Variants in LLGL2 observed in about 807,000 individuals in gnomAD.
The protein encoded by LLGL2 is LLGL2, scribble cell polarity complex component.
A neutral mutation model predicts 123.2 loss-of-function variants in LLGL2; 81 were observed. That is an observed-to-expected ratio of 0.66 (90% CI 0.55 to 0.79). The LOEUF is 0.79. Ranked by LOEUF, LLGL2 falls within the 30% of genes least tolerant of loss-of-function variation. LLGL2 has a pLI of 0.00. For synonymous variants in LLGL2, 577 were observed against 594.1 expected (o/e 0.97, Z 0.42); for missense variants, 1,273 against 1,414.6 (o/e 0.90, Z 1.61).
At chr17:75,528,769 T>C (rs1178171881) in intron 1 of LLGL2, among the ~76,000 whole-genome samples, 1 of 146,004 alleles carries the variant, frequency 6.8e-6, no homozygotes, top group East Asian at 2.0e-4. Context: ...AAATGGCCCA[T>C]AATCCCAGGT....
At position 75,544,547 on chromosome 17, in the gene LLGL2, C is replaced by T. The variant is rs1221728825; in HGVS notation, c.75+1046C>T. ...CTTTGCCACATAGAAGCTGGATGGC[C>T]GTGTGCCTGTCGCCCACACCATAGG... On this transcript the variant is annotated intron_variant, in intron 2 of 25. Coordinates refer to ENST00000392550, the MANE Select transcript of LLGL2 (RefSeq NM_001031803.2). The surrounding 1 kb of genome is among the most constrained non-coding windows in gnomAD (Gnocchi z 4.2). Among the ~76,000 whole-genome samples, 2 of 152,240 alleles carry T rather than the reference C, an allele frequency of 1.3e-5. No homozygotes were observed. The highest frequency in any genetic ancestry group is 2.4e-5 in the African/African-American group (1 of 41,462).
chr17:75,543,814 A>C (rs765185968), intron 2 of LLGL2, among the ~76,000 whole-genome samples: 1 of 151,968 alleles, frequency 6.6e-6, no homozygotes, highest in Non-Finnish European at 1.5e-5. Flanking sequence ...TGCCATGTCT[A>C]CCTCGGCACA....
Position 75,559,483 on chromosome 17 carries a change from A to AGGAG in LLGL2, c.530+73_530+74insGGAG, listed in dbSNP as rs2147393753. 2 of 1,508,658 alleles carry AGGAG rather than the reference A, an allele frequency of 1.3e-6. No individual in the cohort carries two copies. The highest frequency in any genetic ancestry group is 2.6e-5 in the South Asian group (2 of 77,908). 93.5% of individuals were successfully genotyped at this position (1,508,658 alleles called of 1,614,324 possible). The stretch of plus-strand genomic sequence containing the variant: ...CATGGCTTCTCCCCTTGGTCCCAGG[A>AGGAG]CTCTGTCAGGAGCTGTCATTTCTCT... On this transcript the variant is annotated intron_variant, in intron 6 of 25. Transcript: ENST00000392550. The surrounding 1 kb of genome is among the most constrained non-coding windows in gnomAD (Gnocchi z 4.6).
chr17:75,563,920 T>A (rs765585185), intron 9 of LLGL2, 114 bp downstream of exon 9: 70 of 1,043,736 alleles, frequency 6.7e-5, no homozygotes, highest in Non-Finnish European at 1.0e-4. Context: ...AGGTCCCGTG[T>A]TGGGGTCTTG....
At chr17:75,572,129 G>T (rs1279662943) in intron 19 of LLGL2, 65 bp downstream of exon 19, 2 of 1,492,322 alleles carry the variant, frequency 1.3e-6, no homozygotes, top group Non-Finnish European at 1.8e-6. Flanking sequence ...CTCGGACCTT[G>T]GGCAAAAATG....
Position 75,558,381 on chromosome 17 carries a change from C to T in LLGL2, c.256-131C>T. On this transcript the variant is annotated intron_variant, in intron 4 of 25. Coordinates refer to ENST00000392550, the MANE Select transcript of LLGL2 (RefSeq NM_001031803.2). This position sits in a 1 kb window ranked among gnomAD's most constrained non-coding sequence, Gnocchi z 4.0. ...AGACCTGGGACCCCCTCCCTTTCCA[C>T]AGCTGGGGCTCATGGGCCACCCTGG... 8.7e-7 allele frequency: 1 copy of T among 1,146,462 alleles called. No individual in the cohort carries two copies. The highest frequency in any genetic ancestry group is 1.2e-6 in the Non-Finnish European group (1 of 812,720). The allele number at this position is 1,146,462 out of a possible 1,614,324, so 71.0% of individuals were successfully genotyped here. A position where few individuals can be genotyped will look rare whatever the true frequency, so the allele number is the denominator to read the frequency against.
intron 10 of LLGL2, chr17:75,567,903 T>C (rs750543311): frequency 4.3e-4 from 115 of 267,884 alleles, no homozygotes; most frequent in Non-Finnish European, 6.3e-4. Flanking sequence ...ATCACACCAC[T>C]GTACTCCAGC....
chr17:75,545,577 C>T (rs1474768879), intron 2 of LLGL2, among the ~76,000 whole-genome samples: 1 of 152,068 alleles, frequency 6.6e-6, no homozygotes, highest in African/African-American at 2.4e-5. Context: ...GATTTGGGAT[C>T]CCGTCTGCCC....
In LLGL2 at chr17:75,544,455, T is replaced by G. The variant is rs2054336790; in HGVS notation, c.75+954T>G. On this transcript the variant is annotated intron_variant, in intron 2 of 25. Coordinates refer to ENST00000392550, the MANE Select transcript of LLGL2 (RefSeq NM_001031803.2). The surrounding 1 kb of genome is among the most constrained non-coding windows in gnomAD (Gnocchi z 4.2). ...TCTCCCTGTGGAGAATGAGGAAGTCTCTTTGGTTGTATTTTTGTTATTGAT... is the reference window on the plus strand; with the variant it reads ...TCTCCCTGTGGAGAATGAGGAAGTCGCTTTGGTTGTATTTTTGTTATTGAT... Among the ~76,000 whole-genome samples, 1 of 152,228 alleles carries G rather than the reference T, an allele frequency of 6.6e-6. No individual in the cohort carries two copies. Among genetic ancestry groups the G allele is most frequent in the Non-Finnish European group, 1.5e-5 (1 of 68,040 alleles).
chr17:75,572,969 G>C (rs2055793709), intron 19 of LLGL2, 45 bp from the exon 20 acceptor site: 2 of 1,562,322 alleles, frequency 1.3e-6, no homozygotes, highest in Non-Finnish European at 1.7e-6. Flanking sequence ...CAGGGCAGGA[G>C]AACTGGTTTG....
At chr17:75,531,264 C>T (rs2053776213) in intron 1 of LLGL2, among the ~76,000 whole-genome samples, 1 of 152,208 alleles carries the variant, frequency 6.6e-6, no homozygotes, top group Non-Finnish European at 1.5e-5. Context: ...GACCAGGTGG[C>T]CCATGAGCCC....
chr17:75,528,850 A>T (rs1382986612), intron 1 of LLGL2, among the ~76,000 whole-genome samples: 2 of 152,150 alleles, frequency 1.3e-5, no homozygotes, highest in South Asian at 4.1e-4. Flanking sequence ...CATTGTAGAA[A>T]GTGTAAAATT....
In LLGL2 at chr17:75,568,699, T is replaced by A; in HGVS notation, c.1254+6T>A. Reference sequence around the variant, plus strand: ...ACGCACACTTCTCCACCATGGTAGGTCTGGCCCTGGCCCCAGCCCCAGCCC... The same window carrying A: ...ACGCACACTTCTCCACCATGGTAGGACTGGCCCTGGCCCCAGCCCCAGCCC... On this transcript the variant is annotated splice_donor_region_variant and intron_variant, in intron 11 of 25. Transcript: ENST00000392550. 1 of 1,613,132 alleles carries A rather than the reference T, an allele frequency of 6.2e-7. No individual in the cohort carries two copies.
intron 6 of LLGL2, among the ~76,000 whole-genome samples, chr17:75,561,157 C>T (rs2147422645): frequency 6.6e-6 from 1 of 152,080 alleles, no homozygotes; most frequent in South Asian, 2.1e-4. Flanking sequence ...AATTCTCGTC[C>T]TCTTGATGAC....
At position 75,541,825 on chromosome 17, in the gene LLGL2, G is replaced by A. The variant is rs1329631109; in HGVS notation, c.-30-1572G>A. The stretch of plus-strand genomic sequence containing the variant: ...GCTCACTGCAACCTCCGCCTCTTGG[G>A]TTCTAGCAATTCTCCTGCCTTAGCC... On this transcript the variant is annotated intron_variant, in intron 1 of 25. Transcript: ENST00000392550. Among the ~76,000 whole-genome samples the A allele has an allele frequency of 2.1e-5, 3 of 139,970 alleles. No homozygotes were observed. The East Asian group carries it at 6.8e-4, about 32-fold the overall frequency. 91.8% of individuals were successfully genotyped at this position (139,970 alleles called of 152,430 possible). A position where few individuals can be genotyped will look rare whatever the true frequency, so the allele number is the denominator to read the frequency against.
intron 2 of LLGL2, among the ~76,000 whole-genome samples, chr17:75,555,829 G>A (rs1319705113): frequency 1.3e-5 from 2 of 152,190 alleles, no homozygotes; most frequent in African/African-American, 4.8e-5. Flanking sequence ...AGATCAGCTC[G>A]CAGGGGTGGC....
chr17:75,560,823 A>C (rs1463699811), intron 6 of LLGL2, among the ~76,000 whole-genome samples: 10 of 108,462 alleles, frequency 9.2e-5, no homozygotes, highest in African/African-American at 2.9e-4. Flanking sequence ...AAAAAAAAAA[A>C]AAAAAAAAAC....
chr17:75,541,704 A>G (rs1222924627), intron 1 of LLGL2, among the ~76,000 whole-genome samples: 2 of 111,722 alleles, frequency 1.8e-5, no homozygotes, highest in East Asian at 2.7e-4. Context: ...CTCAAGGGGG[A>G]TGTGGCTCTG....
rs1568051676 is a variant in LLGL2, at chr17:75,558,805, TGCCTCCTCCATCCACACCAC to T, written c.371+192_371+211del. 0.012 allele frequency among the ~76,000 whole-genome samples: 1,847 copies of T among 148,410 alleles called. 157 individuals carry two copies. The highest frequency in any genetic ancestry group is 0.045 in the African/African-American group (1,747 of 39,038). The stretch of plus-strand genomic sequence containing the variant: ...GAGTGGAGTGGGCGGGGCTGCAGCC[TGCCTCCTCCATCCACACCAC>T]GCCTCCTCCATCCGCACCCCACCTC... On this transcript the variant is annotated intron_variant, in intron 5 of 25. Coordinates refer to ENST00000392550, the MANE Select transcript of LLGL2 (RefSeq NM_001031803.2). This position sits in a 1 kb window ranked among gnomAD's most constrained non-coding sequence, Gnocchi z 4.0.
Sources: gnomAD v4.1 joint callset for allele counts (sites outside exome capture counted in the v4.1 genomes callset) on GRCh38, gnomAD v4.1.1 for gene constraint, Gnocchi (gnomAD v3.1) non-coding constraint, MANE v1.5 for transcripts, NCBI Gene and HGNC (gene_info 2026-07-23, HGNC 2026-07-21) for gene names.